The following GRM1 variants were observed in gnomAD, a reference collection of about 807,000 sequenced individuals.
GRM1 encodes glutamate metabotropic receptor 1.
In GRM1, 33 loss-of-function variants were observed where a neutral mutation model predicts 90.9. The ratio of observed to expected loss-of-function variants is 0.36; its 90% CI spans 0.28 to 0.49. GRM1 has a LOEUF of 0.49. Ranked by LOEUF, GRM1 falls within the 20% of genes least tolerant of loss-of-function variation. The pLI is 0.99. For synonymous variants in GRM1, 700 were observed against 613.2 expected (o/e 1.14, Z -2.09); for missense variants, 1,190 against 1,534.3 (o/e 0.78, Z 3.75).
At chr6:146,045,771 AAAAAAAT>A in intron 1 of GRM1, among the ~76,000 whole-genome samples, 1 of 147,416 alleles carries the variant, frequency 6.8e-6, no homozygotes, top group South Asian at 2.1e-4. Context: ...AAAAAAAAAA[AAAAAAAT>A]CAAATTAATT....
intron 2 of GRM1, among the ~76,000 whole-genome samples, chr6:146,251,369 C>T (rs968924942): frequency 6.6e-6 from 1 of 152,168 alleles, no homozygotes; most frequent in Admixed American, 6.6e-5. Flanking sequence ...GCTTTTCTAA[C>T]CCCAAGGTCC....
At chr6:146,079,303 A>G (rs9322048) in intron 1 of GRM1, among the ~76,000 whole-genome samples, 69,770 of 151,976 alleles carry the variant, frequency 0.46, 16,447 homozygotes, top group Middle Eastern at 0.54. Context: ...TCCATTCAGC[A>G]CCTCGGATGT....
At chr6:146,137,889 C>A (rs1776685624) in intron 1 of GRM1, among the ~76,000 whole-genome samples, 1 of 151,912 alleles carries the variant, frequency 6.6e-6, no homozygotes, top group Non-Finnish European at 1.5e-5. Flanking sequence ...TAAGTTAATG[C>A]CTAGGTATTT....
At chr6:146,219,679 A>G (rs867491894) in intron 2 of GRM1, among the ~76,000 whole-genome samples, 7 of 150,928 alleles carry the variant, frequency 4.6e-5, no homozygotes, top group Admixed American at 2.0e-4. Context: ...TTTCAATTTT[A>G]TGTGTGTGCA....
intron 2 of GRM1, among the ~76,000 whole-genome samples, chr6:146,198,973 T>G (rs917060042): frequency 6.6e-6 from 1 of 152,190 alleles, no homozygotes; most frequent in Non-Finnish European, 1.5e-5. Flanking sequence ...TTACTGTAAT[T>G]TCAGCTTCCT....
intron 7 of GRM1, among the ~76,000 whole-genome samples, chr6:146,427,421 A>C (rs749834442): frequency 6.6e-6 from 1 of 151,938 alleles, no homozygotes; most frequent in Non-Finnish European, 1.5e-5. Context: ...CTCCTTGGAG[A>C]GTCAAAGGTA....
intron 1 of GRM1, among the ~76,000 whole-genome samples, chr6:146,138,795 T>C (rs754465642): frequency 3.3e-5 from 5 of 152,112 alleles, no homozygotes; most frequent in African/African-American, 4.8e-5. Flanking sequence ...TATTGATCCT[T>C]TGTATTGTTT....
intron 6 of GRM1, among the ~76,000 whole-genome samples, chr6:146,395,953 T>C (rs1358580354): frequency 6.6e-6 from 1 of 152,110 alleles, no homozygotes; most frequent in African/African-American, 2.4e-5. Flanking sequence ...ACTGTGGTAT[T>C]TTATCTCCTA....
At chr6:146,322,254 C>T (rs1468271966) in intron 3 of GRM1, among the ~76,000 whole-genome samples, 2 of 152,230 alleles carry the variant, frequency 1.3e-5, no homozygotes, top group Non-Finnish European at 2.9e-5. Context: ...AGATTGCTGT[C>T]TATTCCTTCC....
At chr6:146,350,468 G>T (rs1785363534) in intron 3 of GRM1, among the ~76,000 whole-genome samples, 1 of 148,500 alleles carries the variant, frequency 6.7e-6, no homozygotes, top group Non-Finnish European at 1.5e-5. Flanking sequence ...CAATTTTTGT[G>T]TTTTTTTTTT....
chr6:146,179,661 C>G (rs1259379844), intron 2 of GRM1, among the ~76,000 whole-genome samples: 1 of 152,076 alleles, frequency 6.6e-6, no homozygotes, highest in Non-Finnish European at 1.5e-5. Context: ...CTACAGGTGC[C>G]GGCCACCATG....
chr6:146,424,848 T>C (rs1778138928), intron 7 of GRM1, among the ~76,000 whole-genome samples: 1 of 152,254 alleles, frequency 6.6e-6, no homozygotes, highest in Admixed American at 6.5e-5. Flanking sequence ...TGCTTGAATA[T>C]CATTTTACAT....
chr6:146,225,855 G>A (rs1463565896), intron 2 of GRM1, among the ~76,000 whole-genome samples: 2 of 152,010 alleles, frequency 1.3e-5, no homozygotes. Context: ...TTTAAACCAT[G>A]CAATATATTA....
chr6:146,389,556 A>G (rs1468773921), intron 6 of GRM1, among the ~76,000 whole-genome samples: 1 of 152,016 alleles, frequency 6.6e-6, no homozygotes, highest in Non-Finnish European at 1.5e-5. Flanking sequence ...AGGGATCTTT[A>G]ACTTGGTAAA....
intron 1 of GRM1, among the ~76,000 whole-genome samples, chr6:146,088,052 C>A (rs994769830): frequency 2.4e-4 from 36 of 152,244 alleles, no homozygotes; most frequent in East Asian, 1.4e-3. Flanking sequence ...ATTTTACATT[C>A]CCACTAGAAA....
At chr6:146,201,028 C>T (rs763736868) in intron 2 of GRM1, among the ~76,000 whole-genome samples, 4 of 152,116 alleles carry the variant, frequency 2.6e-5, no homozygotes, top group Non-Finnish European at 5.9e-5. Context: ...TGTGTTCCCA[C>T]CAGAGATCTG....
chr6:146,219,436 A>G (rs1779980546), intron 2 of GRM1, among the ~76,000 whole-genome samples: 2 of 152,030 alleles, frequency 1.3e-5, no homozygotes, highest in Admixed American at 6.6e-5. Flanking sequence ...ATGAAATAAG[A>G]GTTAGAATGG....
chr6:146,198,699 A>G (rs1779202997), intron 2 of GRM1, among the ~76,000 whole-genome samples: 2 of 152,192 alleles, frequency 1.3e-5, no homozygotes, highest in Admixed American at 6.5e-5. Flanking sequence ...GTTTCTGAGT[A>G]TCAACTTCAA....
At chr6:146,199,350 G>A (rs1779222843) in intron 2 of GRM1, among the ~76,000 whole-genome samples, 1 of 152,184 alleles carries the variant, frequency 6.6e-6, no homozygotes, top group African/African-American at 2.4e-5. Context: ...GCTTCTAAGA[G>A]CTACCCTAAA....
Sources: gnomAD v4.1 joint callset for allele counts (sites outside exome capture counted in the v4.1 genomes callset) on GRCh38, gnomAD v4.1.1 for gene constraint, MANE v1.5 for transcripts, NCBI Gene and HGNC (gene_info 2026-07-23, HGNC 2026-07-21) for gene names.